GPHN: variants seen among roughly 807,000 people sequenced by gnomAD.
GPHN encodes gephyrin.
A neutral mutation model predicts 95.5 loss-of-function variants in GPHN; 17 were observed. The ratio of observed to expected loss-of-function variants is 0.18; its 90% CI spans 0.12 to 0.27. The LOEUF is 0.27. Among genes scored for constraint, GPHN ranks in the 10% least tolerant of loss-of-function variants. GPHN has a pLI of 1.00. For synonymous variants in GPHN, 320 were observed against 322.5 expected (o/e 0.99, Z 0.08); for missense variants, 660 against 978.1 (o/e 0.67, Z 4.34).
the GPHN span, among the ~76,000 whole-genome samples, chr14:67,630,865 G>A: frequency 1.3e-5 from 2 of 152,174 alleles, no homozygotes; most frequent in Non-Finnish European, 2.9e-5. Flanking sequence ...TTACAGGTGT[G>A]AGCCACCGTG....
At chr14:67,317,969 A>G in the GPHN span, among the ~76,000 whole-genome samples, 1 of 152,218 alleles carries the variant, frequency 6.6e-6, no homozygotes, top group Non-Finnish European at 1.5e-5. Context: ...TTCCTAGGTG[A>G]CAACAGTCTG....
At chr14:66,670,524 GGCTCATGTCTGTAATCCCA>G (rs140497444) in intron 1 of GPHN, among the ~76,000 whole-genome samples, 8,915 of 152,232 alleles carry the variant, frequency 0.059, 358 homozygotes, top group Middle Eastern at 0.099. Context: ...CAGGTACAGT[GGCTCATGTCTGTAATCCCA>G]GCACTTTGGG....
chr14:67,203,298 G>T, the GPHN span: 150 of 1,566,708 alleles, frequency 9.6e-5, no homozygotes, highest in Non-Finnish European at 1.2e-4. Flanking sequence ...CACCAGGTGA[G>T]TTACAAAGAG....
the GPHN span, chr14:67,447,963 G>A: frequency 6.6e-6 from 1 of 152,086 alleles, no homozygotes; most frequent in Admixed American, 6.6e-5. Flanking sequence ...CAAAGCTTCA[G>A]AATAGCAGGA....
intron 9 of GPHN, among the ~76,000 whole-genome samples, chr14:66,974,402 T>C (rs1450027250): frequency 5.9e-5 from 9 of 152,088 alleles, no homozygotes; most frequent in Admixed American, 5.9e-4. Context: ...ATAATGATAA[T>C]TGAAAATGAA....
chr14:66,990,363 T>C (rs2071328921), intron 9 of GPHN, among the ~76,000 whole-genome samples: 1 of 152,176 alleles, frequency 6.6e-6, no homozygotes, highest in Non-Finnish European at 1.5e-5. Flanking sequence ...ATTAAAATGC[T>C]GGTGAAGATT....
At chr14:67,456,828 T>C in the GPHN span, among the ~76,000 whole-genome samples, 1 of 152,184 alleles carries the variant, frequency 6.6e-6, no homozygotes, top group African/African-American at 2.4e-5. Flanking sequence ...GGCACACATA[T>C]GTATGTTCAT....
At chr14:67,530,461 A>G in the GPHN span, among the ~76,000 whole-genome samples, 1 of 151,978 alleles carries the variant, frequency 6.6e-6, no homozygotes, top group African/African-American at 2.4e-5. Flanking sequence ...TGTAATATTG[A>G]CTCTGTAGGA....
the GPHN span, chr14:67,199,710 C>T: frequency 6.3e-7 from 1 of 1,583,402 alleles, no homozygotes; most frequent in Non-Finnish European, 8.7e-7. Flanking sequence ...GCACCTCCTT[C>T]ACCCTCTGCC....
chr14:67,470,510 A>T, the GPHN span: 1 of 152,524 alleles, frequency 6.6e-6, no homozygotes, highest in East Asian at 1.9e-4. Context: ...TGGCTCCCCT[A>T]AGGGCTGGGC....
chr14:66,996,338 G>A (rs1467314029), intron 9 of GPHN: 1 of 688,372 alleles, frequency 1.5e-6, no homozygotes, highest in African/African-American at 1.8e-5. Context: ...TGCCTGAAAG[G>A]GATGAGGATA....
chr14:66,967,176 A>T (rs1367864582), intron 9 of GPHN, among the ~76,000 whole-genome samples: 2 of 151,894 alleles, frequency 1.3e-5, no homozygotes, highest in East Asian at 1.9e-4. Flanking sequence ...TAAAGTTATC[A>T]CTCTGGTGTA....
intron 16 of GPHN, among the ~76,000 whole-genome samples, chr14:67,121,712 ATTAC>A (rs1220868980): frequency 6.6e-6 from 1 of 152,202 alleles, no homozygotes; most frequent in Non-Finnish European, 1.5e-5. Context: ...GTAGCTAAGT[ATTAC>A]TTAAGTTTGC....
the GPHN span, chr14:67,487,019 G>A: frequency 6.6e-6 from 1 of 152,166 alleles, no homozygotes; most frequent in Non-Finnish European, 1.5e-5. Context: ...CCTTGAGTGT[G>A]CAGCTCACAA....
At chr14:67,389,069 A>T in the GPHN span, among the ~76,000 whole-genome samples, 1 of 151,846 alleles carries the variant, frequency 6.6e-6, no homozygotes, top group African/African-American at 2.4e-5. Context: ...ACTTCGTGTG[A>T]TACAAAACTG....
the GPHN span, among the ~76,000 whole-genome samples, chr14:67,422,674 A>C: frequency 6.6e-6 from 1 of 152,200 alleles, no homozygotes; most frequent in Non-Finnish European, 1.5e-5. Flanking sequence ...GAAAATGCAT[A>C]TCAGTTAGAA....
chr14:67,272,425 C>T, the GPHN span, among the ~76,000 whole-genome samples: 1 of 152,144 alleles, frequency 6.6e-6, no homozygotes, highest in Non-Finnish European at 1.5e-5. Flanking sequence ...GGATCTACTT[C>T]TGGAGTTGTA....
intron 10 of GPHN, among the ~76,000 whole-genome samples, chr14:67,031,763 C>T (rs2074207325): frequency 1.3e-5 from 2 of 151,842 alleles, no homozygotes; most frequent in Non-Finnish European, 2.9e-5. Flanking sequence ...ACCTATATTC[C>T]CAAAGTACTA....
chr14:67,089,543 C>A (rs1031869905), intron 12 of GPHN, among the ~76,000 whole-genome samples: 11 of 152,168 alleles, frequency 7.2e-5, no homozygotes, highest in African/African-American at 2.6e-4. Flanking sequence ...TCAATTTATT[C>A]TTTCCGTTCC....
Sources: allele counts gnomAD v4.1 joint callset (sites outside exome capture counted in the v4.1 genomes callset), GRCh38; gene constraint gnomAD v4.1.1; transcripts MANE v1.5; gene names NCBI Gene and HGNC (gene_info 2026-07-23, HGNC 2026-07-21).